The following SPTLC2 variants were observed in gnomAD, a reference collection of about 807,000 sequenced individuals.
SPTLC2 encodes the protein serine palmitoyltransferase 2.
A neutral mutation model predicts 62.0 loss-of-function variants in SPTLC2; 21 were observed. That is an observed-to-expected ratio of 0.34 (90% confidence interval 0.24 to 0.49). The LOEUF (loss-of-function observed/expected upper bound fraction) is 0.49. SPTLC2 is among the 20% of genes least tolerant of loss of function. The pLI is 0.99. For missense variants in SPTLC2, 511 were observed against 713.0 expected, an observed-to-expected ratio of 0.72 and a Z score of 3.23; for synonymous variants, 261 against 261.8, an observed-to-expected ratio of 1.00 and a Z score of 0.03.
chr14:77,543,086 G>A (rs1051539506), intron 9 of SPTLC2, among the ~76,000 whole-genome samples: 1 of 152,218 alleles, frequency 6.6e-6, no homozygotes, highest in African/African-American at 2.4e-5. Flanking sequence ...GTCTCACTCT[G>A]TTGCCTGAGC....
chr14:77,538,796 C>A lies in SPTLC2; in HGVS notation c.1303+13300G>T, dbSNP rs137903930. 9.4e-3 allele frequency among the ~76,000 whole-genome samples: 1,428 copies of A among 151,854 alleles called. 26 individuals are homozygous for A. The highest frequency in any genetic ancestry group is 0.033 in the African/African-American group (1,354 of 41,504). ...ATGTTGCTCAGGCTGGTCTCAAACT[C>A]CTGACCTCAGGTGATCCACCTGCCT... On this transcript the variant is annotated intron_variant, in intron 9 of 11. Coordinates refer to ENST00000216484, the MANE Select transcript of SPTLC2 (RefSeq NM_004863.4).
intron 9 of SPTLC2, chr14:77,535,863 T>C: frequency 2.4e-6 from 1 of 408,398 alleles, no homozygotes; most frequent in South Asian, 1.8e-5. Context: ...TAAATAACAA[T>C]GAGATATGGA....
chr14:77,529,620 C>CTTTCTTTCTTTTTTTTTTTTTTT (rs1555373703), intron 9 of SPTLC2, among the ~76,000 whole-genome samples: 1 of 76,058 alleles, frequency 1.3e-5, no homozygotes, highest in Non-Finnish European at 2.7e-5. Flanking sequence ...TTCTTTCTTT[C>CTTTCTTTCTTTTTTTTTTTTTTT]TTTTTTTTTT....
At chr14:77,606,416 C>T (rs1053168254) in intron 1 of SPTLC2, among the ~76,000 whole-genome samples, 3 of 144,696 alleles carry the variant, frequency 2.1e-5, no homozygotes, top group African/African-American at 5.6e-5. Context: ...CAGAATACAG[C>T]AGTCTACATG....
intron 1 of SPTLC2, among the ~76,000 whole-genome samples, chr14:77,615,521 C>T (rs1375923094): frequency 6.6e-6 from 1 of 152,238 alleles, no homozygotes; most frequent in Non-Finnish European, 1.5e-5. Flanking sequence ...TTAAAGTCAA[C>T]TGCAAAATTA....
chr14:77,530,441 G>A (rs1419736180), intron 9 of SPTLC2, among the ~76,000 whole-genome samples: 1 of 152,100 alleles, frequency 6.6e-6, no homozygotes, highest in East Asian at 1.9e-4. Flanking sequence ...CGATTCTCGT[G>A]CCTCAGCCTC....
intron 11 of SPTLC2, among the ~76,000 whole-genome samples, chr14:77,514,377 G>A (rs530343607): frequency 3.3e-5 from 5 of 152,076 alleles, no homozygotes; most frequent in Admixed American, 6.5e-5. Context: ...CAGACAAATC[G>A]GTGTCATGTG....
intron 2 of SPTLC2, among the ~76,000 whole-genome samples, chr14:77,589,789 C>CCACACACACA (rs10627978): frequency 0.012 from 1,781 of 146,292 alleles, 30 homozygotes; most frequent in African/African-American, 0.041. Context: ...GAGTCCGTCT[C>CCACACACACA]CACACACACA....
chr14:77,561,234 G>A (rs1476373570), intron 6 of SPTLC2, among the ~76,000 whole-genome samples: 1 of 152,060 alleles, frequency 6.6e-6, no homozygotes, highest in Non-Finnish European at 1.5e-5. Context: ...ATTAAATGAG[G>A]GCACACCCAG....
chr14:77,512,701 G>A (rs751692592), intron 11 of SPTLC2, among the ~76,000 whole-genome samples: 12 of 152,096 alleles, frequency 7.9e-5, no homozygotes, highest in Non-Finnish European at 1.8e-4. Context: ...TTACAAAACC[G>A]AATACAATTT....
chr14:77,563,130 G>C (rs990336263), intron 5 of SPTLC2, among the ~76,000 whole-genome samples: 1 of 151,816 alleles, frequency 6.6e-6, no homozygotes, highest in Non-Finnish European at 1.5e-5. Context: ...CTCTCAGGGG[G>C]CCCTTCAACC....
Position 77,509,794 on chromosome 14 carries a change from G to A in SPTLC2, c.*2490C>T. Reference sequence around the variant, plus strand: ...CATTTTGTTCTTTAGAAAGTACAGAGGTCCTGCATAGATCACAGGAGATTT... The same window carrying A: ...CATTTTGTTCTTTAGAAAGTACAGAAGTCCTGCATAGATCACAGGAGATTT... On this transcript the variant is annotated 3_prime_UTR_variant, in exon 12 of 12. Coordinates refer to ENST00000216484, the MANE Select transcript of SPTLC2 (RefSeq NM_004863.4). The A allele has an allele frequency of 2.5e-6, 1 of 397,942 alleles. No individual in the cohort carries two copies. Among genetic ancestry groups the A allele is most frequent in the Non-Finnish European group, 4.4e-6 (1 of 225,754 alleles). 24.7% of individuals were successfully genotyped at this position (397,942 alleles called of 1,614,324 possible).
In SPTLC2 at chr14:77,506,759, C is replaced by T. The variant is rs1217315574; in HGVS notation, c.*5525G>A. The stretch of plus-strand genomic sequence containing the variant: ...GCTTGAGTCTCCTCGTGCATAGAAG[C>T]ATTCACTCATCCATGCAGATGGCAA... On this transcript the variant is annotated 3_prime_UTR_variant, in exon 12 of 12. Coordinates refer to ENST00000216484, the MANE Select transcript of SPTLC2 (RefSeq NM_004863.4). 2 of 152,120 alleles carry T rather than the reference C, an allele frequency of 1.3e-5. No individual in the cohort carries two copies. Among genetic ancestry groups the T allele is most frequent in the African/African-American group, 4.8e-5 (2 of 41,422 alleles). 9.4% of individuals were successfully genotyped at this position (152,120 alleles called of 1,614,324 possible). A position where few individuals can be genotyped will look rare whatever the true frequency, so the allele number is the denominator to read the frequency against.
Position 77,573,778 on chromosome 14 carries a change from C to T in SPTLC2, c.631+2989G>A, listed in dbSNP as rs28465487. ...GAGTGGCTGGGATTACAGGCGTGCA[C>T]CTTCCATCACGCCCAGCTAATGTTT... On this transcript the variant is annotated intron_variant, in intron 4 of 11. Coordinates refer to ENST00000216484, the MANE Select transcript of SPTLC2 (RefSeq NM_004863.4). 2.0e-3 allele frequency among the ~76,000 whole-genome samples: 312 copies of T among 152,216 alleles called. 2 individuals are homozygous for T. Among genetic ancestry groups the T allele is most frequent in the African/African-American group, 7.1e-3 (293 of 41,524 alleles).
intron 9 of SPTLC2, among the ~76,000 whole-genome samples, chr14:77,527,472 C>G (rs1005574080): frequency 6.6e-6 from 1 of 152,154 alleles, no homozygotes; most frequent in African/African-American, 2.4e-5. Flanking sequence ...CCTTCAATCA[C>G]GTTTACAAAA....
chr14:77,564,400 TACACACACACACACACACAC>T (rs6145397), intron 5 of SPTLC2, among the ~76,000 whole-genome samples: 33,304 of 139,248 alleles, frequency 0.24, 4,457 homozygotes, highest in East Asian at 0.54. Flanking sequence ...TATGCATGCA[TACACACACACACACACACAC>T]ACACACACAC....
At chr14:77,600,453 T>C (rs1230862623) in intron 1 of SPTLC2, among the ~76,000 whole-genome samples, 1 of 152,168 alleles carries the variant, frequency 6.6e-6, no homozygotes, top group Non-Finnish European at 1.5e-5. Flanking sequence ...CACTTCACCT[T>C]TAAGAACTGA....
chr14:77,516,283 G>T (rs550936594), intron 11 of SPTLC2, among the ~76,000 whole-genome samples: 2 of 152,226 alleles, frequency 1.3e-5, no homozygotes, highest in African/African-American at 4.8e-5. Flanking sequence ...AAACATACTT[G>T]TTGGCAACAG....
intron 5 of SPTLC2, among the ~76,000 whole-genome samples, chr14:77,563,810 G>A (rs1217299003): frequency 6.6e-6 from 1 of 152,148 alleles, no homozygotes; most frequent in African/African-American, 2.4e-5. Context: ...TTGTTCAAGG[G>A]TCAACTATAT....
Sources: gnomAD v4.1 joint callset for allele counts (sites outside exome capture counted in the v4.1 genomes callset) on GRCh38, gnomAD v4.1.1 for gene constraint, MANE v1.5 for transcripts, NCBI Gene and HGNC (gene_info 2026-07-23, HGNC 2026-07-21) for gene names.